The following MSI2 variants were observed in gnomAD, a reference collection of about 807,000 sequenced individuals.
MSI2 encodes RNA-binding protein Musashi homolog 2.
Under a neutral mutation model 45.6 loss-of-function variants are expected in MSI2, and 17 were observed. That is an observed-to-expected ratio of 0.37 (90% CI 0.26 to 0.56). MSI2 has a LOEUF of 0.56. MSI2 is among the 20% of genes least tolerant of loss of function. The pLI, the probability that MSI2 is intolerant of heterozygous loss-of-function variation, is 0.77. For synonymous variants in MSI2, 156 were observed against 158.2 expected (o/e 0.99, Z 0.11); for missense variants, 293 against 444.2 (o/e 0.66, Z 3.06).
At chr17:57,351,012 G>C (rs1464090833) in intron 5 of MSI2, among the ~76,000 whole-genome samples, 1 of 152,120 alleles carries the variant, frequency 6.6e-6, no homozygotes, top group African/African-American at 2.4e-5. Context: ...GGAGGGAGCA[G>C]GTACTGAAAT....
At chr17:57,443,065 C>T (rs770676270) in intron 6 of MSI2, among the ~76,000 whole-genome samples, 8 of 152,144 alleles carry the variant, frequency 5.3e-5, no homozygotes, top group South Asian at 2.1e-4. Flanking sequence ...CTACCGTTTG[C>T]GGCCTGTCTG....
At chr17:57,489,591 A>G (rs868833056) in intron 6 of MSI2, among the ~76,000 whole-genome samples, 1 of 152,212 alleles carries the variant, frequency 6.6e-6, no homozygotes, top group Non-Finnish European at 1.5e-5. Flanking sequence ...GCTTTCCCAG[A>G]ACCTCTGTGG....
chr17:57,652,299 A>T lies in MSI2; in HGVS notation c.790+138A>T. On this transcript the variant is annotated intron_variant, in intron 11 of 13. Transcript: ENST00000284073. This position sits in a 1 kb window ranked among gnomAD's most constrained non-coding sequence, Gnocchi z 4.1. The stretch of plus-strand genomic sequence containing the variant: ...AGCCCCGGGGAGGGGGTGGACGGGG[A>T]GGGGGTGGACCGGGAGGCGCGGGCA... 14 of 859,824 alleles carry T rather than the reference A, an allele frequency of 1.6e-5. No homozygotes were observed. The highest frequency in any genetic ancestry group is 2.1e-5 in the Non-Finnish European group (12 of 563,536). The allele number at this position is 859,824 out of a possible 1,614,324, so 53.3% of individuals were successfully genotyped here. A position where few individuals can be genotyped will look rare whatever the true frequency, so the allele number is the denominator to read the frequency against.
At chr17:57,493,992 C>T (rs908666412) in intron 6 of MSI2, among the ~76,000 whole-genome samples, 5 of 152,174 alleles carry the variant, frequency 3.3e-5, no homozygotes, top group Admixed American at 6.5e-5. Flanking sequence ...CTACCTGCTA[C>T]GGACAGAGTG....
intron 6 of MSI2, among the ~76,000 whole-genome samples, chr17:57,438,423 T>G (rs1333077856): frequency 6.6e-6 from 1 of 151,996 alleles, no homozygotes; most frequent in Non-Finnish European, 1.5e-5. Flanking sequence ...TCTTCCTCCA[T>G]CCCCTCCTTC....
chr17:57,675,662 G>A (rs111501456), intron 12 of MSI2, among the ~76,000 whole-genome samples: 26 of 152,246 alleles, frequency 1.7e-4, no homozygotes, highest in African/African-American at 5.3e-4. Flanking sequence ...CAGTGGCAGC[G>A]CTGGAGCCCG....
At chr17:57,322,584 A>T (rs73325405) in intron 5 of MSI2, among the ~76,000 whole-genome samples, 1 of 152,106 alleles carries the variant, frequency 6.6e-6, no homozygotes, top group Admixed American at 6.5e-5. Context: ...TCAACCCTTA[A>T]TCGAACATAA....
At position 57,537,445 on chromosome 17, in the gene MSI2, C is replaced by T. The variant is rs190774988; in HGVS notation, c.454+7721C>T. On this transcript the variant is annotated intron_variant, in intron 7 of 13. Transcript: ENST00000284073. ...GAGCTGTCTGCACATTTTATTTTCT[C>T]GTTAAATAAACACCATTAGCCTTCC... Among the ~76,000 whole-genome samples, 35 of 152,326 alleles carry T rather than the reference C, an allele frequency of 2.3e-4. 1 individual carries two copies. The highest frequency in any genetic ancestry group is 3.4e-3 in the Middle Eastern group (1 of 294).
chr17:57,483,140 G>A (rs988599153), intron 6 of MSI2, among the ~76,000 whole-genome samples: 5 of 152,134 alleles, frequency 3.3e-5, no homozygotes, highest in African/African-American at 1.2e-4. Flanking sequence ...GTTGTATTAG[G>A]AGGTAGATGC....
chr17:57,287,249 A>AG (rs1909991276), intron 5 of MSI2, among the ~76,000 whole-genome samples: 1 of 152,036 alleles, frequency 6.6e-6, no homozygotes, highest in African/African-American at 2.4e-5. Context: ...GCCCAAGGAA[A>AG]GGAAGTGTGA....
rs956191490 is a variant in MSI2 at position 57,309,387 on chromosome 17, G to T, written c.312+47195G>T. Among the ~76,000 whole-genome samples the T allele has an allele frequency of 3.3e-5, 5 of 152,272 alleles. No individual in the cohort carries two copies. In the East Asian group the frequency reaches 9.6e-4, roughly 29 times the overall value. On this transcript the variant is annotated intron_variant, in intron 5 of 13. Transcript: ENST00000284073. ...TGAAATTGCTTTGGGCTTTCTGACAGCTCATATTCCCCCTCTGCCACCAGT... is the reference window on the plus strand; with the variant it reads ...TGAAATTGCTTTGGGCTTTCTGACATCTCATATTCCCCCTCTGCCACCAGT...
intron 5 of MSI2, among the ~76,000 whole-genome samples, chr17:57,369,003 A>T (rs12325702): frequency 0.44 from 66,660 of 151,912 alleles, 17,357 homozygotes; most frequent in Middle Eastern, 0.61. Flanking sequence ...TCACCATGAG[A>T]TTTTTTTCTA....
intron 6 of MSI2, among the ~76,000 whole-genome samples, chr17:57,452,552 C>T (rs759374190): frequency 2.0e-5 from 3 of 152,212 alleles, no homozygotes; most frequent in Non-Finnish European, 2.9e-5. Flanking sequence ...TGCTTGCTTC[C>T]ACTCTGTACA....
the MSI2 span, among the ~76,000 whole-genome samples, chr17:57,699,292 AGT>A: frequency 1.3e-5 from 2 of 148,800 alleles, no homozygotes; most frequent in Non-Finnish European, 3.0e-5. Flanking sequence ...AGAGAGAGAG[AGT>A]GTGTAAGCTC....
intron 5 of MSI2, among the ~76,000 whole-genome samples, chr17:57,318,707 G>A (rs907807492): frequency 2.6e-5 from 4 of 152,192 alleles, no homozygotes; most frequent in South Asian, 2.1e-4. Flanking sequence ...CATACAGCAC[G>A]TTCCTGAATC....
chr17:57,461,532 G>C (rs1598296757), intron 6 of MSI2, among the ~76,000 whole-genome samples: 1 of 95,872 alleles, frequency 1.0e-5, no homozygotes, highest in South Asian at 6.4e-4. Context: ...CCAACTCTTG[G>C]ATTTTTTTTT....
intron 11 of MSI2, among the ~76,000 whole-genome samples, chr17:57,665,612 C>T (rs1912310257): frequency 6.6e-6 from 1 of 152,188 alleles, no homozygotes; most frequent in African/African-American, 2.4e-5. Flanking sequence ...ACCCTGCCCC[C>T]TGCCTGCTAG....
chr17:57,352,416 G>A (rs367919551), intron 5 of MSI2, among the ~76,000 whole-genome samples: 44 of 152,350 alleles, frequency 2.9e-4, no homozygotes, highest in African/African-American at 1.0e-3. Context: ...TATAAAGGAA[G>A]TAGGGGAGGA....
chr17:57,490,929 C>G (rs530801705), intron 6 of MSI2, among the ~76,000 whole-genome samples: 26 of 152,246 alleles, frequency 1.7e-4, no homozygotes, highest in Admixed American at 3.3e-4. Flanking sequence ...CAGCTTAGTA[C>G]TTGGAACCTG....
Sources: allele counts gnomAD v4.1 joint callset (sites outside exome capture counted in the v4.1 genomes callset), GRCh38; gene constraint gnomAD v4.1.1; non-coding constraint Gnocchi (gnomAD v3.1); transcripts MANE v1.5; gene names NCBI Gene and HGNC (gene_info 2026-07-23, HGNC 2026-07-21).